CCDC18: variants seen among roughly 807,000 people sequenced by gnomAD.
CCDC18 encodes coiled-coil domain containing 18.
Under a neutral mutation model 196.0 loss-of-function variants are expected in CCDC18, and 157 were observed. The observed-to-expected ratio is 0.80, with a 90% CI of 0.70 to 0.91. The LOEUF is 0.91. Among genes scored for constraint, CCDC18 ranks in the 40% least tolerant of loss-of-function variants. The pLI is 0.00. For missense variants in CCDC18, 1,465 were observed against 1,611.6 expected (o/e 0.91, Z 1.56); for synonymous variants, 482 against 529.2 (o/e 0.91, Z 1.22).
chr1:93,232,532 TACA>T lies in CCDC18; in HGVS notation c.2404_2406del (p.Gln802del), dbSNP rs1295415819. 7.4e-6 allele frequency: 12 copies of T among 1,613,238 alleles called. No individual in the cohort carries two copies. Among genetic ancestry groups the T allele is most frequent in the African/African-American group, 2.7e-5 (2 of 74,884 alleles). ...ACTCTTCAGCAACAGCAGCAAATGT[TACA>T]ACAAGAGACAATTAGAAATGGAGAG... On this transcript the variant is annotated inframe_deletion, in exon 18 of 29. Transcript: ENST00000690025.
At position 93,186,611 on chromosome 1, in the gene CCDC18, A is replaced by G. The variant is rs997955424; in HGVS notation, c.462+108A>G. 1.2e-5 allele frequency: 9 copies of G among 770,158 alleles called. No homozygotes were observed. In the Admixed American group the frequency reaches 2.2e-4, roughly 19 times the overall value. 47.7% of individuals were successfully genotyped at this position (770,158 alleles called of 1,614,324 possible). A position where few individuals can be genotyped will look rare whatever the true frequency, so the allele number is the denominator to read the frequency against. On this transcript the variant is annotated intron_variant, in intron 4 of 28. Coordinates refer to ENST00000690025, the MANE Select transcript of CCDC18 (RefSeq NM_001378204.1). ...CACATTGCCTTAATGTGTTATGGGA[A>G]GTAATTTTCATTATAATACTATAGT...
intron 23 of CCDC18, 23 bp from the exon 24 acceptor site, chr1:93,254,448 C>T (rs1163099841): frequency 1.3e-6 from 2 of 1,507,874 alleles, no homozygotes; most frequent in South Asian, 1.2e-5. Context: ...TTTACTGATA[C>T]TGCTTATCTG....
intron 1 of CCDC18, 134 bp from the exon 2 acceptor site, chr1:93,183,226 T>A: frequency 1.7e-6 from 1 of 600,638 alleles, no homozygotes; most frequent in Non-Finnish European, 2.7e-6. Flanking sequence ...TTTTGTTTTG[T>A]TTTAAACCAC....
Position 93,186,333 on chromosome 1 carries a change from T to C in CCDC18, c.304-12T>C. On this transcript the variant is annotated splice_polypyrimidine_tract_variant and intron_variant, in intron 3 of 28. Coordinates refer to ENST00000690025, the MANE Select transcript of CCDC18 (RefSeq NM_001378204.1). The stretch of plus-strand genomic sequence containing the variant: ...TAATTGAAAATATATTTGTTCTTTT[T>C]CATTCTTTCAGATGTTTTCATCTTC... 6.2e-7 allele frequency: 1 copy of C among 1,604,932 alleles called. No homozygotes were observed. The highest frequency in any genetic ancestry group is 8.5e-7 in the Non-Finnish European group (1 of 1,175,412).
At chr1:93,190,553 T>A (rs1275313571) in intron 4 of CCDC18, among the ~76,000 whole-genome samples, 1 of 152,214 alleles carries the variant, frequency 6.6e-6, no homozygotes, top group Admixed American at 6.5e-5. Context: ...GGCATTTAAA[T>A]GCAGATTGGT....
Position 93,193,724 on chromosome 1 carries a change from A to G in CCDC18, c.678A>G (p.Glu226=). The change falls in exon 6 of 29, where the codon GAA becomes GAG. Residue 226 remains glutamate (E), a synonymous_variant. Transcript: ENST00000690025. ...TAAAATTAAAGGTGGACTTACTTGA[A>G]CAAACCAAACAAGGAAAAAGGTATG... ...ECIKLKVDLL[E]QTKQGKRAER... 1 of 1,568,358 alleles carries G rather than the reference A, an allele frequency of 6.4e-7. No homozygotes were observed. Among genetic ancestry groups the G allele is most frequent in the Non-Finnish European group, 8.6e-7 (1 of 1,163,360 alleles).
At chr1:93,219,479 C>G (rs926016949) in intron 14 of CCDC18, among the ~76,000 whole-genome samples, 6 of 152,136 alleles carry the variant, frequency 3.9e-5, no homozygotes, top group African/African-American at 1.4e-4. Context: ...ATAAGAGTTC[C>G]TTGAACACAA....
intron 18 of CCDC18, among the ~76,000 whole-genome samples, chr1:93,233,659 C>A (rs937681352): frequency 4.6e-5 from 7 of 151,896 alleles, no homozygotes; most frequent in African/African-American, 1.7e-4. Flanking sequence ...AGTGCAATGG[C>A]GCGATCTCAG....
chr1:93,212,045 T>C (rs1277674091), intron 10 of CCDC18, 56 bp from the exon 11 acceptor site: 2 of 1,415,738 alleles, frequency 1.4e-6, no homozygotes, highest in African/African-American at 1.5e-5. Flanking sequence ...TAGTACAGTA[T>C]GAGTTTTTTT....
At chr1:93,187,453 G>C (rs1263882659) in intron 4 of CCDC18, among the ~76,000 whole-genome samples, 1 of 151,914 alleles carries the variant, frequency 6.6e-6, no homozygotes, top group African/African-American at 2.4e-5. Flanking sequence ...GTGTGTGTTT[G>C]TATGTAAATA....
chr1:93,193,658 T>C lies in CCDC18; in HGVS notation c.612T>C (p.Ile204=). 6.3e-7 allele frequency: 1 copy of C among 1,594,160 alleles called. No individual in the cohort carries two copies. Among genetic ancestry groups the C allele is most frequent in the Non-Finnish European group, 8.5e-7 (1 of 1,171,896 alleles). The part of the protein sequence containing the change: ...NKLEQSQKMV[I]EKEQSLQESK... The stretch of plus-strand genomic sequence containing the variant: ...TGGAACAGAGCCAGAAAATGGTAAT[T>C]GAAAAGGAACAGAGTTTGCAGGAGT... Residue 204 remains isoleucine (I), a synonymous_variant, in exon 6 of 29, where the codon ATT becomes ATC. Coordinates refer to ENST00000690025, the MANE Select transcript of CCDC18 (RefSeq NM_001378204.1).
intron 5 of CCDC18, among the ~76,000 whole-genome samples, chr1:93,193,209 GA>G (rs1374965346): frequency 1.3e-5 from 2 of 151,862 alleles, no homozygotes; most frequent in Non-Finnish European, 2.9e-5. Flanking sequence ...AAGAAAGAAA[GA>G]AAAAAAATTT....
At chr1:93,205,726 C>A in intron 8 of CCDC18, 95 bp downstream of exon 8, 4 of 1,153,294 alleles carry the variant, frequency 3.5e-6, no homozygotes, top group Non-Finnish European at 5.0e-6. Context: ...TAATTATAGG[C>A]TTACATTATA....
At chr1:93,277,995 TA>T (rs1665721688) in intron 28 of CCDC18, among the ~76,000 whole-genome samples, 1 of 152,142 alleles carries the variant, frequency 6.6e-6, no homozygotes, top group Non-Finnish European at 1.5e-5. Context: ...TATTTTATTT[TA>T]TTTTTTTGAG....
intron 6 of CCDC18, among the ~76,000 whole-genome samples, chr1:93,195,930 A>G (rs1043568809): frequency 2.0e-5 from 3 of 152,264 alleles, no homozygotes; most frequent in African/African-American, 7.2e-5. Context: ...GGTGGAGAAG[A>G]TTAATCATAA....
At chr1:93,190,342 G>T (rs1651536569) in intron 4 of CCDC18, among the ~76,000 whole-genome samples, 1 of 152,114 alleles carries the variant, frequency 6.6e-6, no homozygotes, top group African/African-American at 2.4e-5. Flanking sequence ...ACAAAAATTA[G>T]CTGGGCGTGG....
chr1:93,276,542 T>C (rs1665630035), intron 28 of CCDC18, among the ~76,000 whole-genome samples: 1 of 151,998 alleles, frequency 6.6e-6, no homozygotes, highest in South Asian at 2.1e-4. Flanking sequence ...ACATATATCA[T>C]GCAGTAAGAT....
rs1649451048 is a variant in CCDC18, at chr1:93,180,764, G to C, written c.-91G>C. 1 of 1,367,506 alleles carries C rather than the reference G, an allele frequency of 7.3e-7. No homozygotes were observed. Among genetic ancestry groups the C allele is most frequent in the African/African-American group, 1.5e-5 (1 of 67,712 alleles). The allele number at this position is 1,367,506 out of a possible 1,614,324, so 84.7% of individuals were successfully genotyped here. ...CTGCCGGGGTTCGCTGGTTCTCCGA[G>C]TTGTGTCCGAGGCTTCCACGCGCAG... On this transcript the variant is annotated 5_prime_UTR_variant, in exon 1 of 29. Coordinates refer to ENST00000690025, the MANE Select transcript of CCDC18 (RefSeq NM_001378204.1).
intron 10 of CCDC18, 72 bp from the exon 11 acceptor site, chr1:93,212,029 G>GA: frequency 7.7e-7 from 1 of 1,307,080 alleles, no homozygotes; most frequent in African/African-American, 1.5e-5. Context: ...CTTGAAAGGT[G>GA]AAAAATAGTA....
Sources: allele counts gnomAD v4.1 joint callset (sites outside exome capture counted in the v4.1 genomes callset), GRCh38; gene constraint gnomAD v4.1.1; transcripts MANE v1.5; gene names NCBI Gene and HGNC (gene_info 2026-07-23, HGNC 2026-07-21).